The following CMYA5 variants were observed in gnomAD, a reference collection of about 807,000 sequenced individuals.
CMYA5 encodes cardiomyopathy-associated protein 5.
A neutral mutation model predicts 318.9 loss-of-function variants in CMYA5; 246 were observed. The observed-to-expected ratio is 0.77, with a 90% CI of 0.70 to 0.86. The LOEUF (loss-of-function observed/expected upper bound fraction) is 0.86, where lower values mean the gene tolerates loss of function less well. Ranked by LOEUF, CMYA5 falls within the 40% of genes least tolerant of loss-of-function variation. CMYA5 has a pLI of 0.00. For missense variants in CMYA5, 4,589 were observed against 4,678.2 expected, an observed-to-expected ratio of 0.98 and a Z score of 0.56; for synonymous variants, 1,641 against 1,729.5, an observed-to-expected ratio of 0.95 and a Z score of 1.27.
At chr5:79,717,013 T>C (rs1827532263) in intron 1 of CMYA5, among the ~76,000 whole-genome samples, 1 of 152,170 alleles carries the variant, frequency 6.6e-6, no homozygotes, top group Admixed American at 6.5e-5. Context: ...TTTGAGCTCA[T>C]TACATACTTG....
intron 9 of CMYA5, among the ~76,000 whole-genome samples, chr5:79,788,768 A>G (rs977872056): frequency 6.6e-6 from 1 of 152,220 alleles, no homozygotes; most frequent in Non-Finnish European, 1.5e-5. Flanking sequence ...TGGAAGGCAC[A>G]TAATAGAAAT....
chr5:79,771,499 G>T (rs1404190528), intron 9 of CMYA5, among the ~76,000 whole-genome samples: 3 of 152,166 alleles, frequency 2.0e-5, no homozygotes, highest in Non-Finnish European at 4.4e-5. Context: ...GTTGGCATTT[G>T]CATAAATCAC....
intron 1 of CMYA5, among the ~76,000 whole-genome samples, chr5:79,711,137 CT>C (rs141778277): frequency 0.014 from 2,106 of 152,194 alleles, 51 homozygotes; most frequent in African/African-American, 0.047. Context: ...TTTTTTCCCC[CT>C]GTGGAATTTT....
rs1400333438 is a variant in CMYA5 at position 79,729,888 on chromosome 5, G to T, written c.1123G>T (p.Glu375Ter). ...GCCAGAAGATGAAGCAAAACCACATGAAGTGGAACCTCCATCTGTGACACC... is the reference window on the plus strand; with the variant it reads ...GCCAGAAGATGAAGCAAAACCACATTAAGTGGAACCTCCATCTGTGACACC... ...QQPEDEAKPH[E>*]VEPPSVTPDT... Residue 375 changes from glutamate (E) to a stop codon, truncating the protein, a stop_gained, in exon 2 of 13, where the codon GAA becomes TAA. Coordinates refer to ENST00000446378, the MANE Select transcript of CMYA5 (RefSeq NM_153610.5). LOFTEE classifies it high-confidence loss of function. The T allele has an allele frequency of 2.5e-6, 4 of 1,612,822 alleles. No individual in the cohort carries two copies. The highest frequency in any genetic ancestry group is 2.5e-6 in the Non-Finnish European group (3 of 1,179,330).
chr5:79,787,267 C>A (rs1829098859), intron 9 of CMYA5, among the ~76,000 whole-genome samples: 1 of 152,102 alleles, frequency 6.6e-6, no homozygotes, highest in African/African-American at 2.4e-5. Context: ...GAGACAGGGC[C>A]TGGGCACATG....
intron 9 of CMYA5, among the ~76,000 whole-genome samples, chr5:79,771,582 A>G (rs945431749): frequency 9.9e-5 from 15 of 152,198 alleles, no homozygotes; most frequent in Non-Finnish European, 1.6e-4. Flanking sequence ...TCACTAGGGA[A>G]CAGTGATGTC....
intron 1 of CMYA5, among the ~76,000 whole-genome samples, chr5:79,713,563 G>A (rs566731931): frequency 1.7e-4 from 26 of 152,144 alleles, no homozygotes; most frequent in South Asian, 6.2e-4. Flanking sequence ...TGGCAGACTC[G>A]GATGTGTGCT....
intron 9 of CMYA5, among the ~76,000 whole-genome samples, chr5:79,767,252 G>T (rs192113824): frequency 0.066 from 9,985 of 152,184 alleles, 719 homozygotes; most frequent in African/African-American, 0.18. Flanking sequence ...CAAAAAACCA[G>T]TTCCTGGATT....
intron 5 of CMYA5, among the ~76,000 whole-genome samples, chr5:79,747,867 G>T (rs1243629670): frequency 6.6e-6 from 1 of 152,110 alleles, no homozygotes; most frequent in African/African-American, 2.4e-5. Context: ...TTTCTAAATT[G>T]TAAATACCAT....
Position 79,788,966 on chromosome 5 carries a change from T to C in CMYA5, c.11556-5T>C. 3 of 1,613,014 alleles carry C rather than the reference T, an allele frequency of 1.9e-6. No homozygotes were observed. The highest frequency in any genetic ancestry group is 3.3e-5 in the Admixed American group (2 of 59,958). On this transcript the variant is annotated splice_region_variant and splice_polypyrimidine_tract_variant and intron_variant, in intron 9 of 12. Coordinates refer to ENST00000446378, the MANE Select transcript of CMYA5 (RefSeq NM_153610.5). ...TTAAAATTATTATTTTCCTCTTGTA[T>C]TTAGATCTTTCTCTGGAATCAAAGG...
At chr5:79,762,821 A>G (rs1828677955) in intron 8 of CMYA5, 2 of 462,436 alleles carry the variant, frequency 4.3e-6, no homozygotes, top group East Asian at 6.7e-5. Flanking sequence ...TGGGATTTAT[A>G]GGAAGCTACT....
At chr5:79,784,923 C>G (rs259092) in intron 9 of CMYA5, among the ~76,000 whole-genome samples, 1 of 151,922 alleles carries the variant, frequency 6.6e-6, no homozygotes, top group African/African-American at 2.4e-5. Context: ...TGTTCCTATT[C>G]GGCCATCTTG....
chr5:79,693,015 T>C (rs1826999033), intron 1 of CMYA5, among the ~76,000 whole-genome samples: 1 of 152,184 alleles, frequency 6.6e-6, no homozygotes, highest in Admixed American at 6.5e-5. Flanking sequence ...TGTCATTAGC[T>C]GTTAGAAGAG....
At chr5:79,793,687 G>A (rs1364824568) in intron 12 of CMYA5, 77 bp downstream of exon 12, 1 of 1,328,958 alleles carries the variant, frequency 7.5e-7, no homozygotes, top group Non-Finnish European at 1.0e-6. Flanking sequence ...TGAGGGACCT[G>A]ATAAATAGCA....
chr5:79,735,572 A>T lies in CMYA5; in HGVS notation c.6807A>T (p.Leu2269Phe), dbSNP rs547862481. Reference sequence around the variant, plus strand: ...ACGTTAAAGAAAAATCCATGATTTTATCAAATGTAGAAGATTTACAACAGC... The same window carrying T: ...ACGTTAAAGAAAAATCCATGATTTTTTCAAATGTAGAAGATTTACAACAGC... ...GQNVKEKSMI[L>F]SNVEDLQQPK... The change falls in exon 2 of 13, where the codon TTA (leucine) becomes TTT (phenylalanine). Residue 2269 changes from leucine to phenylalanine, a missense_variant. Around this residue, in one of 3 missense-constraint regions of CMYA5, gnomAD observed 2,431 missense variants for 2,495.1 expected, o/e 0.97. Transcript: ENST00000446378. 9.3e-6 allele frequency: 15 copies of T among 1,613,190 alleles called. No individual in the cohort carries two copies. Among genetic ancestry groups the T allele is most frequent in the Admixed American group, 6.7e-5 (4 of 59,848 alleles).
At chr5:79,714,895 G>A (rs1287689892) in intron 1 of CMYA5, among the ~76,000 whole-genome samples, 3 of 151,904 alleles carry the variant, frequency 2.0e-5, no homozygotes, top group Non-Finnish European at 4.4e-5. Context: ...GCATATTGTG[G>A]GTACTTCTTA....
rs1827892651 is a variant in CMYA5 at position 79,731,305 on chromosome 5, A to C, written c.2540A>C (p.Asp847Ala). 1.9e-6 allele frequency: 3 copies of C among 1,613,478 alleles called. No individual in the cohort carries two copies. Among genetic ancestry groups the C allele is most frequent in the Non-Finnish European group, 2.5e-6 (3 of 1,179,800 alleles). Reference sequence around the variant, plus strand: ...GAGGTCATTGGACCATCTTCCCCAGATTTGGTTGTTGCATCTGAACACTCT... The same window carrying C: ...GAGGTCATTGGACCATCTTCCCCAGCTTTGGTTGTTGCATCTGAACACTCT... ...GKEVIGPSSPDLVVASEHSFP... is the reference protein window; with the variant it reads ...GKEVIGPSSPALVVASEHSFP... Residue 847 changes from aspartate to alanine, a missense_variant, in exon 2 of 13, where the codon GAT becomes GCT. By Grantham distance (126) the Asp-to-Ala change is moderately radical. Around this residue, in one of 3 missense-constraint regions of CMYA5, gnomAD observed 2,132 missense variants for 2,131.3 expected, o/e 1.00. Coordinates refer to ENST00000446378, the MANE Select transcript of CMYA5 (RefSeq NM_153610.5).
chr5:79,734,011 A>G lies in CMYA5; in HGVS notation c.5246A>G (p.Lys1749Arg). 1 of 1,613,744 alleles carries G rather than the reference A, an allele frequency of 6.2e-7. No homozygotes were observed. The highest frequency in any genetic ancestry group is 8.5e-7 in the Non-Finnish European group (1 of 1,179,832). The change falls in exon 2 of 13, where the codon AAA becomes AGA. Residue 1749 changes from lysine (K) to arginine (R), a missense_variant. Coordinates refer to ENST00000446378, the MANE Select transcript of CMYA5 (RefSeq NM_153610.5). ...EEFQPFTFSL[K>R]GLSEEVSHPA... ...TTTCAGCCATTTACTTTTTCTTTAA[A>G]AGGATTATCAGAGGAGGTTAGCCAT...
At chr5:79,716,444 CA>C (rs755934272) in intron 1 of CMYA5, among the ~76,000 whole-genome samples, 1 of 152,136 alleles carries the variant, frequency 6.6e-6, no homozygotes, top group Non-Finnish European at 1.5e-5. Context: ...AATGTTGGTG[CA>C]AAAGTAATTG....
Sources: allele counts gnomAD v4.1 joint callset (sites outside exome capture counted in the v4.1 genomes callset), GRCh38; gene constraint gnomAD v4.1.1; regional missense constraint gnomAD v4.1.1; transcripts MANE v1.5; gene names NCBI Gene and HGNC (gene_info 2026-07-23, HGNC 2026-07-21).